The following ITPR1 variants were observed in gnomAD, a reference collection of about 807,000 sequenced individuals.
The protein encoded by ITPR1 is inositol 1,4,5-trisphosphate receptor type 1, also known as inositol 1,4,5-trisphosphate-gated calcium channel ITPR1.
A neutral mutation model predicts 318.4 loss-of-function variants in ITPR1; 96 were observed. The ratio of observed to expected loss-of-function variants is 0.30; its 90% CI spans 0.26 to 0.36. The LOEUF is 0.36. Among genes scored for constraint, ITPR1 ranks in the 10% least tolerant of loss-of-function variants. The probability of loss-of-function intolerance (pLI) is 1.00; values close to 1 mark genes in which losing one functional copy is unlikely to be tolerated. For synonymous variants in ITPR1, 1,312 were observed against 1,289.9 expected (o/e 1.02, Z -0.37); for missense variants, 2,440 against 3,460.2 (o/e 0.71, Z 7.40).
chr3:4,546,070 G>T (rs573738255), intron 4 of ITPR1, among the ~76,000 whole-genome samples: 1 of 152,080 alleles, frequency 6.6e-6, no homozygotes, highest in Non-Finnish European at 1.5e-5. Flanking sequence ...TTAGAGGTTC[G>T]GGGGATTAAA....
In ITPR1 at chr3:4,813,239, G is replaced by A. The variant is rs372504811; in HGVS notation, c.7561+5G>A. The A allele has an allele frequency of 6.3e-7, 1 of 1,597,892 alleles. No individual in the cohort carries two copies. Among genetic ancestry groups the A allele is most frequent in the African/African-American group, 1.3e-5 (1 of 74,552 alleles). On this transcript the variant is annotated splice_donor_5th_base_variant and intron_variant, in intron 57 of 61. Transcript: ENST00000649015. Reference sequence around the variant, plus strand: ...CCTCTCCTGCACCCAGAGAAGGTAGGACCTCCTAACTGTAAGCCCCATGTT... The same window carrying A: ...CCTCTCCTGCACCCAGAGAAGGTAGAACCTCCTAACTGTAAGCCCCATGTT...
intron 40 of ITPR1, among the ~76,000 whole-genome samples, chr3:4,720,069 C>G (rs565996455): frequency 1.3e-5 from 2 of 152,246 alleles, no homozygotes; most frequent in Non-Finnish European, 2.9e-5. Context: ...GTTCCCTCCT[C>G]TAGCCATTCT....
chr3:4,786,310 TGA>T (rs981081206), intron 51 of ITPR1, among the ~76,000 whole-genome samples: 2 of 152,176 alleles, frequency 1.3e-5, no homozygotes, highest in Non-Finnish European at 2.9e-5. Context: ...TAAATGGGGT[TGA>T]GTTATGGACA....
chr3:4,688,473 T>C lies in ITPR1; in HGVS notation c.3703-22T>C, dbSNP rs758335131. The C allele has an allele frequency of 8.1e-6, 13 of 1,612,708 alleles. No individual in the cohort carries two copies. In the South Asian group the frequency reaches 1.3e-4, roughly 16 times the overall value. On this transcript the variant is annotated intron_variant, in intron 30 of 61. Coordinates refer to ENST00000649015, the MANE Select transcript of ITPR1 (RefSeq NM_001378452.1). ...TCTCCTGGCCCAGCAATCAGTGCTT[T>C]CATCTGTCTCCTCCCACACAGGCCG... is the stretch of plus-strand genomic sequence containing the variant.
chr3:4,634,918 T>C (rs1272236675), intron 5 of ITPR1, among the ~76,000 whole-genome samples: 1 of 152,174 alleles, frequency 6.6e-6, no homozygotes, highest in Non-Finnish European at 1.5e-5. Flanking sequence ...TTTGGGGGTA[T>C]TTTTAGTAGA....
At chr3:4,644,798 C>T (rs931894582) in intron 8 of ITPR1, among the ~76,000 whole-genome samples, 2 of 152,150 alleles carry the variant, frequency 1.3e-5, no homozygotes, top group Non-Finnish European at 2.9e-5. Context: ...CCTTTCCAAG[C>T]TCTGTGACGG....
intron 61 of ITPR1, among the ~76,000 whole-genome samples, chr3:4,844,262 C>T (rs2051587676): frequency 6.6e-6 from 1 of 151,886 alleles, no homozygotes; most frequent in Non-Finnish European, 1.5e-5. Context: ...GCTGGGACTA[C>T]AGGTGCACGC....
At chr3:4,632,524 C>T (rs147352373) in intron 5 of ITPR1, among the ~76,000 whole-genome samples, 2 of 152,210 alleles carry the variant, frequency 1.3e-5, no homozygotes, top group East Asian at 1.9e-4. Context: ...GCTGCTGCCA[C>T]GTCTTCCACT....
In ITPR1 at chr3:4,551,344, AC is replaced by A. The variant is rs1306943410; in HGVS notation, c.163+30251del. 1.1e-4 allele frequency among the ~76,000 whole-genome samples: 16 copies of A among 152,190 alleles called. 1 individual carries two copies. Among genetic ancestry groups the A allele is most frequent in the Non-Finnish European group, 1.6e-4 (11 of 68,030 alleles). On this transcript the variant is annotated intron_variant, in intron 4 of 61. Coordinates refer to ENST00000649015, the MANE Select transcript of ITPR1 (RefSeq NM_001378452.1). ...GGGATGAGTTATTCTACTGGCCCTCACTTTTGGTGCTGAGATTGAGATGTGA... is the reference window on the plus strand; with the variant it reads ...GGGATGAGTTATTCTACTGGCCCTCATTTTGGTGCTGAGATTGAGATGTGA...
chr3:4,529,853 TAAC>T (rs1311043331), intron 4 of ITPR1, among the ~76,000 whole-genome samples: 5 of 152,204 alleles, frequency 3.3e-5, no homozygotes, highest in African/African-American at 1.2e-4. Flanking sequence ...TTAATCCTCA[TAAC>T]AACCCCATAA....
chr3:4,725,699 G>C (rs1418513181), intron 41 of ITPR1, 118 bp downstream of exon 41: 1 of 858,496 alleles, frequency 1.2e-6, no homozygotes, highest in Non-Finnish European at 1.9e-6. Flanking sequence ...GTAGATGTAG[G>C]AGGGAGGTCT....
At position 4,542,977 on chromosome 3, in the gene ITPR1, G is replaced by A. The variant is rs149509124; in HGVS notation, c.163+21883G>A. Among the ~76,000 whole-genome samples the A allele has an allele frequency of 1.9e-3, 287 of 152,260 alleles. 1 individual carries two copies. The highest frequency in any genetic ancestry group is 7.9e-3 in the South Asian group (38 of 4,822). On this transcript the variant is annotated intron_variant, in intron 4 of 61. Coordinates refer to ENST00000649015, the MANE Select transcript of ITPR1 (RefSeq NM_001378452.1). ...TGTATTAATTGATACTGTAAGAAAT[G>A]CATACTTGCTTCCTGCTCCTTTTTT...
intron 12 of ITPR1, among the ~76,000 whole-genome samples, chr3:4,654,127 A>G (rs1485649689): frequency 6.6e-6 from 1 of 152,068 alleles, no homozygotes; most frequent in African/African-American, 2.4e-5. Flanking sequence ...CGGGGTCTCC[A>G]TTTCTAAGTT....
At chr3:4,830,453 G>A (rs921540435) in intron 60 of ITPR1, among the ~76,000 whole-genome samples, 8 of 151,832 alleles carry the variant, frequency 5.3e-5, no homozygotes, top group African/African-American at 1.9e-4. Context: ...CCTCTTCAAT[G>A]AAAATAATCA....
At chr3:4,760,883 A>G (rs980967081) in intron 44 of ITPR1, among the ~76,000 whole-genome samples, 2 of 152,132 alleles carry the variant, frequency 1.3e-5, no homozygotes, top group Admixed American at 1.3e-4. Context: ...TGTCTACTTT[A>G]AGGTCGGTGA....
chr3:4,726,222 G>A (rs988093702), intron 41 of ITPR1, among the ~76,000 whole-genome samples: 3 of 151,722 alleles, frequency 2.0e-5, no homozygotes, highest in African/African-American at 7.3e-5. Flanking sequence ...TAGAGATGGG[G>A]TTTTGCCGTG....
intron 46 of ITPR1, among the ~76,000 whole-genome samples, chr3:4,772,897 A>G (rs2046270995): frequency 6.6e-6 from 1 of 152,248 alleles, no homozygotes; most frequent in East Asian, 1.9e-4. Context: ...AGGAATGGGC[A>G]GCCATTGTCT....
At chr3:4,575,496 T>C (rs1396771821) in intron 4 of ITPR1, among the ~76,000 whole-genome samples, 2 of 152,190 alleles carry the variant, frequency 1.3e-5, no homozygotes. Flanking sequence ...TTGATGATTG[T>C]CTCTCCAGAC....
intron 46 of ITPR1, among the ~76,000 whole-genome samples, chr3:4,771,866 C>T (rs1217128586): frequency 6.6e-6 from 1 of 152,202 alleles, no homozygotes; most frequent in Middle Eastern, 3.4e-3. Context: ...ATACTAAGTA[C>T]AGCAGAGGAG....
Sources: allele counts gnomAD v4.1 joint callset (sites outside exome capture counted in the v4.1 genomes callset), GRCh38; gene constraint gnomAD v4.1.1; transcripts MANE v1.5; gene names NCBI Gene and HGNC (gene_info 2026-07-23, HGNC 2026-07-21).